The following TTC22 variants were observed in gnomAD, a reference collection of about 807,000 sequenced individuals.
TTC22 encodes the protein tetratricopeptide repeat protein 22.
In TTC22, 42 loss-of-function variants were observed where a neutral mutation model predicts 48.2. The ratio of observed to expected loss-of-function variants is 0.87; its 90% CI spans 0.68 to 1.13. The LOEUF (loss-of-function observed/expected upper bound fraction) is 1.13, where lower values mean the gene tolerates loss of function less well. Ranked by LOEUF, TTC22 falls within the 50% of genes most tolerant of loss-of-function variation. The probability of loss-of-function intolerance (pLI) is 0.00; values close to 1 mark genes in which losing one functional copy is unlikely to be tolerated. For synonymous variants in TTC22, 345 were observed against 365.5 expected, an observed-to-expected ratio of 0.94 and a Z score of 0.64; for missense variants, 784 against 807.0, an observed-to-expected ratio of 0.97 and a Z score of 0.34.
chr1:54,786,924 G>T, intron 4 of TTC22, 33 bp downstream of exon 4: 1 of 1,198,572 alleles, frequency 8.3e-7, no homozygotes, highest in Non-Finnish European at 1.2e-6. Flanking sequence ...CTCCTTCTCA[G>T]TTTAGAGGGT....
At chr1:54,790,783 GCTGCTGCTTCTTT>G (rs1646344257) in intron 1 of TTC22, among the ~76,000 whole-genome samples, 3 of 146,112 alleles carry the variant, frequency 2.1e-5, no homozygotes, top group Admixed American at 6.8e-5. Context: ...TGCTGCTGCT[GCTGCTGCTTCTTT>G]CTTCTTTCTT....
intron 1 of TTC22, among the ~76,000 whole-genome samples, chr1:54,797,482 C>CTACAAAAA (rs1479673890): frequency 2.0e-5 from 3 of 152,148 alleles, no homozygotes; most frequent in Non-Finnish European, 2.9e-5. Context: ...AACCCAGTCT[C>CTACAAAAA]TACAAAAATA....
At chr1:54,792,667 G>A (rs116542409) in intron 1 of TTC22, among the ~76,000 whole-genome samples, 14,288 of 152,088 alleles carry the variant, frequency 0.094, 843 homozygotes, top group Non-Finnish European at 0.14. Context: ...TTCCGACTTC[G>A]GGTGATCTGC....
chr1:54,801,101 G>T lies in TTC22; in HGVS notation c.63C>A (p.Leu21=), dbSNP rs142848687. 1.9e-6 allele frequency: 3 copies of T among 1,611,888 alleles called. No individual in the cohort carries two copies. The highest frequency in any genetic ancestry group is 2.5e-6 in the Non-Finnish European group (3 of 1,179,160). The change falls in exon 1 of 7, where the codon CTC becomes CTA. Residue 21 remains leucine (L), a synonymous_variant. Transcript: ENST00000371276. ...GCATCTCCAGGTGAAAGTGGCCCGG[G>T]AGGTAGTCCAGGTCGTCGATGAGGG... The part of the protein sequence containing the change: ...LDALIDDLDY[L]PGHFHLEMQL...
Position 54,801,040 on chromosome 1 carries a change from G to A in TTC22, c.124C>T (p.Arg42Cys), listed in dbSNP as rs1646433400. 6.2e-7 allele frequency: 1 copy of A among 1,611,466 alleles called. No homozygotes were observed. Among genetic ancestry groups the A allele is most frequent in the South Asian group, 1.1e-5 (1 of 91,008 alleles). The part of the protein sequence containing the change: ...NFEPRSPAPQ[R>C]ARDLKLQREG... ...CGCTGCAGCTTCAGGTCCCGGGCGCGCTGTGGGGCCGGCGAGCGCGGCTCG... is the reference window on the plus strand; with the variant it reads ...CGCTGCAGCTTCAGGTCCCGGGCGCACTGTGGGGCCGGCGAGCGCGGCTCG... Residue 42 changes from arginine to cysteine, a missense_variant, in exon 1 of 7, where the codon CGC (arginine) becomes TGC (cysteine). Physicochemically the swap from Arg to Cys is radical, Grantham distance 180. Coordinates refer to ENST00000371276, the MANE Select transcript of TTC22 (RefSeq NM_001114108.2).
intron 5 of TTC22, among the ~76,000 whole-genome samples, chr1:54,783,759 A>G (rs1463338163): frequency 6.6e-6 from 1 of 152,230 alleles, no homozygotes; most frequent in African/African-American, 2.4e-5. Context: ...GGGAGGCTGC[A>G]GCTGGAGGAT....
In TTC22 at chr1:54,786,232, C is replaced by G. The variant is rs932305520; in HGVS notation, c.859-88G>C. 8.0e-6 allele frequency: 10 copies of G among 1,248,360 alleles called. No individual in the cohort carries two copies. In the African/African-American group the frequency reaches 1.2e-4, roughly 15 times the overall value. The allele number at this position is 1,248,360 out of a possible 1,614,324, so 77.3% of individuals were successfully genotyped here. A position where few individuals can be genotyped will look rare whatever the true frequency, so the allele number is the denominator to read the frequency against. ...CAGTGCTGAACCACAGGAACCCCAT[C>G]TTTGGATACAGCCGTATCAACATGG... On this transcript the variant is annotated intron_variant, in intron 4 of 6. Coordinates refer to ENST00000371276, the MANE Select transcript of TTC22 (RefSeq NM_001114108.2).
At chr1:54,783,487 T>C (rs1409689115) in intron 5 of TTC22, among the ~76,000 whole-genome samples, 1 of 152,344 alleles carries the variant, frequency 6.6e-6, no homozygotes, top group East Asian at 1.9e-4. Flanking sequence ...CATTTATTCA[T>C]TCAGCAAATA....
At chr1:54,785,533 T>G (rs1646293363) in intron 5 of TTC22, 1 of 452,592 alleles carries the variant, frequency 2.2e-6, no homozygotes, top group Non-Finnish European at 4.4e-6. Flanking sequence ...CTTACAGGGC[T>G]GGGTGTAGTG....
At chr1:54,791,210 C>T (rs991956659) in intron 1 of TTC22, among the ~76,000 whole-genome samples, 1 of 152,206 alleles carries the variant, frequency 6.6e-6, no homozygotes, top group Non-Finnish European at 1.5e-5. Context: ...CCCTCACCTG[C>T]TTTGAGGTTG....
intron 1 of TTC22, among the ~76,000 whole-genome samples, chr1:54,796,186 C>G (rs1211214569): frequency 6.6e-6 from 1 of 152,246 alleles, no homozygotes; most frequent in Non-Finnish European, 1.5e-5. Context: ...GTGTGTGTGT[C>G]TGTGCGCGTG....
At chr1:54,799,446 C>T (rs1646416845) in intron 1 of TTC22, among the ~76,000 whole-genome samples, 1 of 152,216 alleles carries the variant, frequency 6.6e-6, no homozygotes, top group Non-Finnish European at 1.5e-5. Flanking sequence ...TCCTGCACCC[C>T]TTTCACAGAT....
intron 1 of TTC22, among the ~76,000 whole-genome samples, chr1:54,789,473 C>G (rs573897767): frequency 6.6e-6 from 1 of 152,186 alleles, no homozygotes; most frequent in Non-Finnish European, 1.5e-5. Flanking sequence ...GTGGCTGCTC[C>G]GGGGAAACCT....
At chr1:54,790,861 CTT>C (rs775323684) in intron 1 of TTC22, among the ~76,000 whole-genome samples, 1 of 123,412 alleles carries the variant, frequency 8.1e-6, no homozygotes, top group Admixed American at 7.9e-5. Context: ...CCTCCTCCTT[CTT>C]CTTCTTCCTC....
intron 1 of TTC22, among the ~76,000 whole-genome samples, chr1:54,789,645 T>C (rs749432587): frequency 6.6e-6 from 1 of 152,170 alleles, no homozygotes; most frequent in Non-Finnish European, 1.5e-5. Flanking sequence ...CTTCTCTGTG[T>C]GGCTCTCGGC....
At chr1:54,800,294 C>T (rs1178215695) in intron 1 of TTC22, among the ~76,000 whole-genome samples, 1 of 152,072 alleles carries the variant, frequency 6.6e-6, no homozygotes, top group African/African-American at 2.4e-5. Context: ...TGTGCACAGG[C>T]GCAGGAACAG....
chr1:54,800,571 G>C (rs1646425537), intron 1 of TTC22, 26 bp downstream of exon 1: 1 of 1,458,860 alleles, frequency 6.9e-7, no homozygotes. Context: ...CTCCCAGAGG[G>C]AGGTAGGGAG....
chr1:54,800,836 A>G lies in TTC22; in HGVS notation c.328T>C (p.Tyr110His), dbSNP rs1163377618. The G allele has an allele frequency of 2.5e-6, 4 of 1,606,830 alleles. No individual in the cohort carries two copies. Among genetic ancestry groups the G allele is most frequent in the Non-Finnish European group, 3.4e-6 (4 of 1,177,734 alleles). The change falls in exon 1 of 7, where the codon TAC becomes CAC. Residue 110 changes from tyrosine (Y) to histidine (H), a missense_variant. Coordinates refer to ENST00000371276, the MANE Select transcript of TTC22 (RefSeq NM_001114108.2). ...LNAWANLAHV[Y>H]GRLGQEEEEE... ...TCTTCTTCCTGGCCCAGCCGCCCGTACACGTGTGCCAGATTGGCCCAGGCA... is the reference window on the plus strand; with the variant it reads ...TCTTCTTCCTGGCCCAGCCGCCCGTGCACGTGTGCCAGATTGGCCCAGGCA...
intron 1 of TTC22, among the ~76,000 whole-genome samples, chr1:54,789,078 A>G (rs1056777223): frequency 2.6e-5 from 4 of 152,232 alleles, no homozygotes; most frequent in African/African-American, 9.6e-5. Context: ...AGTGGAACAT[A>G]TTGAAGCTCA....
Sources: allele counts gnomAD v4.1 joint callset (sites outside exome capture counted in the v4.1 genomes callset), GRCh38; gene constraint gnomAD v4.1.1; transcripts MANE v1.5; gene names NCBI Gene and HGNC (gene_info 2026-07-23, HGNC 2026-07-21).